The following FBXO10 variants were observed in gnomAD, a reference collection of about 807,000 sequenced individuals.
FBXO10 encodes F-box protein 10, also known as F-box only protein 10.
A neutral mutation model predicts 80.7 loss-of-function variants in FBXO10; 39 were observed. The observed-to-expected ratio is 0.48, with a 90% confidence interval of 0.37 to 0.63. The LOEUF is 0.63. Among genes scored for constraint, FBXO10 ranks in the 30% least tolerant of loss-of-function variants. The pLI is 0.00. For synonymous variants in FBXO10, 449 were observed against 489.6 expected (o/e 0.92, Z 1.09); for missense variants, 1,025 against 1,269.0 (o/e 0.81, Z 2.92).
chr9:37,537,992 T>C, intron 2 of FBXO10, 49 bp from the exon 3 acceptor site: 1 of 1,472,016 alleles, frequency 6.8e-7, no homozygotes, highest in Non-Finnish European at 9.5e-7. Context: ...GAGATTGGTT[T>C]TGGACTCTAG....
At chr9:37,547,881 C>G (rs945893039) in intron 1 of FBXO10, among the ~76,000 whole-genome samples, 1 of 151,850 alleles carries the variant, frequency 6.6e-6, no homozygotes, top group Non-Finnish European at 1.5e-5. Flanking sequence ...TCCCTTGAGT[C>G]TAGGAGTTTG....
chr9:37,555,673 G>A (rs998901727), intron 1 of FBXO10, among the ~76,000 whole-genome samples: 6 of 151,784 alleles, frequency 4.0e-5, no homozygotes, highest in South Asian at 4.2e-4. Flanking sequence ...GAGCCACTGC[G>A]CCTGGTCCTT....
At chr9:37,529,010 GAAGTCTCTTCT>G (rs1821546618) in intron 5 of FBXO10, 103 bp downstream of exon 5, 1 of 1,387,140 alleles carries the variant, frequency 7.2e-7, no homozygotes. Context: ...GATGATGAGT[GAAGTCTCTTCT>G]CTGCTTGCAT....
At chr9:37,527,531 T>C (rs1284368840) in intron 5 of FBXO10, among the ~76,000 whole-genome samples, 1 of 152,208 alleles carries the variant, frequency 6.6e-6, no homozygotes, top group Admixed American at 6.5e-5. Context: ...TAAAATCCTA[T>C]TTATCTTTCA....
chr9:37,518,209 C>T lies in FBXO10; in HGVS notation c.2430G>A (p.Lys810=). The T allele has an allele frequency of 1.2e-6, 2 of 1,614,066 alleles. No homozygotes were observed. The highest frequency in any genetic ancestry group is 1.7e-6 in the Non-Finnish European group (2 of 1,179,908). ...YDNRGHGIIT[K]GDSTIVIEND... is the part of the protein sequence containing the mutation. ...TTTCAATGACGATGGTGCTGTCGCC[C>T]TTGGTGATAATGCCGTGGCCTCTGT... Residue 810 remains lysine (K), a synonymous_variant, in exon 9 of 11, where the codon AAG becomes AAA. Coordinates refer to ENST00000432825, the MANE Select transcript of FBXO10 (RefSeq NM_012166.3).
At chr9:37,558,048 C>T (rs542780199) in intron 1 of FBXO10, among the ~76,000 whole-genome samples, 1 of 152,344 alleles carries the variant, frequency 6.6e-6, no homozygotes, top group African/African-American at 2.4e-5. Context: ...TCCCCACAGG[C>T]TGCTCTTGAT....
intron 1 of FBXO10, among the ~76,000 whole-genome samples, chr9:37,554,320 T>C (rs759927794): frequency 5.3e-5 from 8 of 152,242 alleles, no homozygotes; most frequent in Non-Finnish European, 1.2e-4. Flanking sequence ...AGTGGAATTA[T>C]ACAGTGTGTC....
chr9:37,545,917 T>C (rs1588846593), intron 1 of FBXO10, among the ~76,000 whole-genome samples: 1 of 151,464 alleles, frequency 6.6e-6, no homozygotes, highest in Non-Finnish European at 1.5e-5. Flanking sequence ...GAGGCGGAGG[T>C]GGGTGGATCA....
intron 3 of FBXO10, among the ~76,000 whole-genome samples, chr9:37,535,076 G>C (rs1394856859): frequency 6.6e-6 from 1 of 152,186 alleles, no homozygotes; most frequent in Non-Finnish European, 1.5e-5. Flanking sequence ...CAGGCACAAA[G>C]GAAGATCTGA....
At chr9:37,567,756 C>T (rs1300444384) in intron 1 of FBXO10, among the ~76,000 whole-genome samples, 1 of 152,092 alleles carries the variant, frequency 6.6e-6, no homozygotes, top group Non-Finnish European at 1.5e-5. Flanking sequence ...TCTTGAACTC[C>T]TGACCTCAGG....
At chr9:37,545,743 A>G (rs1041096095) in intron 1 of FBXO10, among the ~76,000 whole-genome samples, 3 of 152,240 alleles carry the variant, frequency 2.0e-5, no homozygotes, top group African/African-American at 7.2e-5. Flanking sequence ...CCATGACAGA[A>G]TAACGGAAAC....
intron 2 of FBXO10, among the ~76,000 whole-genome samples, chr9:37,540,893 T>A (rs184508849): frequency 2.1e-3 from 316 of 152,346 alleles, no homozygotes; most frequent in Non-Finnish European, 3.3e-3. Context: ...TTCCCGCCGC[T>A]GCTAGACTGG....
At position 37,518,315 on chromosome 9, in the gene FBXO10, C is replaced by G; in HGVS notation, c.2324G>C (p.Ser775Thr). Residue 775 changes from serine (S) to threonine (T), a missense_variant, in exon 9 of 11, where the codon AGC (serine) becomes ACC (threonine). Coordinates refer to ENST00000432825, the MANE Select transcript of FBXO10 (RefSeq NM_012166.3). Reference protein sequence around the residue: ...SSQPTRVANNSISCNRQSGVK... With the variant: ...SSQPTRVANNTISCNRQSGVK... ...CCCACTTTGCCGGTTGCAGGAGATG[C>G]TGTTGTTGGCCACTCGGGTGGGTTG... is the stretch of plus-strand genomic sequence containing the variant. The G allele has an allele frequency of 1.9e-6, 3 of 1,614,068 alleles. No homozygotes were observed. The highest frequency in any genetic ancestry group is 2.5e-6 in the Non-Finnish European group (3 of 1,179,912).
At chr9:37,566,456 TC>T (rs1401919851) in intron 1 of FBXO10, among the ~76,000 whole-genome samples, 3 of 66,752 alleles carry the variant, frequency 4.5e-5, no homozygotes, top group East Asian at 6.6e-4. Context: ...AGACTCTGTC[TC>T]GGAAAAAAAA....
intron 10 of FBXO10, 83 bp downstream of exon 10, chr9:37,515,821 A>G: frequency 6.9e-7 from 1 of 1,454,106 alleles, no homozygotes; most frequent in African/African-American, 1.4e-5. Context: ...CCGGGCAGCC[A>G]CAATCCCTGG....
At chr9:37,522,687 T>C in intron 7 of FBXO10, 138 bp downstream of exon 7, 1 of 1,179,358 alleles carries the variant, frequency 8.5e-7, no homozygotes, top group Admixed American at 2.7e-5. Flanking sequence ...AGGGCCTGGG[T>C]GACTGTGGCC....
At chr9:37,562,760 G>A (rs1822511104) in intron 1 of FBXO10, among the ~76,000 whole-genome samples, 1 of 152,132 alleles carries the variant, frequency 6.6e-6, no homozygotes, top group Non-Finnish European at 1.5e-5. Context: ...AAAAAAAGAA[G>A]TAAATAAGAA....
intron 3 of FBXO10, among the ~76,000 whole-genome samples, chr9:37,536,389 T>C (rs915307256): frequency 6.6e-5 from 10 of 152,186 alleles, no homozygotes; most frequent in Admixed American, 6.6e-4. Flanking sequence ...CTTCCTGTCA[T>C]CAACCATTTA....
At chr9:37,531,213 A>AT (rs1821614062) in intron 4 of FBXO10, among the ~76,000 whole-genome samples, 1 of 152,136 alleles carries the variant, frequency 6.6e-6, no homozygotes, top group South Asian at 2.1e-4. Flanking sequence ...GGTGGCTATT[A>AT]TTTTTTCAAG....
Sources: gnomAD v4.1 joint callset for allele counts (sites outside exome capture counted in the v4.1 genomes callset) on GRCh38, gnomAD v4.1.1 for gene constraint, MANE v1.5 for transcripts, NCBI Gene and HGNC (gene_info 2026-07-23, HGNC 2026-07-21) for gene names.